DLEU7: variants seen among roughly 807,000 people sequenced by gnomAD.
The protein encoded by DLEU7 is leukemia-associated protein 7.
DLEU7 carries 17 observed loss-of-function variants against 16.0 expected under a neutral mutation model. The ratio of observed to expected loss-of-function variants is 1.06; its 90% CI spans 0.73 to 1.59. The LOEUF is 1.59. Ranked by LOEUF, DLEU7 falls within the 40% of genes most tolerant of loss-of-function variation. DLEU7 has a pLI of 0.00. For synonymous variants in DLEU7, 113 were observed against 139.8 expected (o/e 0.81, Z 1.35); for missense variants, 308 against 314.9 (o/e 0.98, Z 0.17).
At chr13:50,830,193 A>C (rs1296220434) in intron 1 of DLEU7, among the ~76,000 whole-genome samples, 1 of 152,264 alleles carries the variant, frequency 6.6e-6, no homozygotes, top group Non-Finnish European at 1.5e-5. Flanking sequence ...TGTATTGATT[A>C]CTACAGCAGT....
intron 1 of DLEU7, among the ~76,000 whole-genome samples, chr13:50,834,355 C>T (rs188501014): frequency 6.6e-6 from 1 of 151,818 alleles, no homozygotes; most frequent in Admixed American, 6.6e-5. Flanking sequence ...AAAAAAACAA[C>T]CCCATCAAAA....
chr13:50,740,841 T>C (rs867856531), intron 1 of DLEU7, among the ~76,000 whole-genome samples: 4 of 152,172 alleles, frequency 2.6e-5, no homozygotes, highest in Admixed American at 2.6e-4. Context: ...CTTTTTGGAC[T>C]GTTCCTGCTT....
chr13:50,770,362 G>C, intron 1 of DLEU7, among the ~76,000 whole-genome samples: 1 of 152,150 alleles, frequency 6.6e-6, no homozygotes, highest in Non-Finnish European at 1.5e-5. Flanking sequence ...TTTTCAAAGG[G>C]AATGCTTCCA....
intron 1 of DLEU7, among the ~76,000 whole-genome samples, chr13:50,737,956 C>G (rs1874126145): frequency 6.6e-6 from 1 of 152,146 alleles, no homozygotes; most frequent in Admixed American, 6.6e-5. Flanking sequence ...GAAAAAAATT[C>G]CTGAAGCAAT....
At chr13:50,757,545 T>C (rs529639806) in intron 1 of DLEU7, among the ~76,000 whole-genome samples, 64 of 152,292 alleles carry the variant, frequency 4.2e-4, no homozygotes, top group African/African-American at 1.5e-3. Flanking sequence ...AAACTTGACT[T>C]TGTAAACTCG....
At chr13:50,786,047 G>A (rs1875785989) in intron 1 of DLEU7, among the ~76,000 whole-genome samples, 1 of 152,170 alleles carries the variant, frequency 6.6e-6, no homozygotes, top group African/African-American at 2.4e-5. Flanking sequence ...TCGTTTTGAA[G>A]CAGATCATGG....
chr13:50,752,668 G>T (rs567205446), intron 1 of DLEU7, among the ~76,000 whole-genome samples: 32 of 151,246 alleles, frequency 2.1e-4, no homozygotes, highest in Non-Finnish European at 4.4e-4. Context: ...AAGGCGGCGC[G>T]TCTGGAGTTG....
At chr13:50,835,231 C>T (rs925467963) in intron 1 of DLEU7, among the ~76,000 whole-genome samples, 2 of 152,126 alleles carry the variant, frequency 1.3e-5, no homozygotes, top group African/African-American at 2.4e-5. Flanking sequence ...CAGACTCGGC[C>T]CAGATCCCAA....
In DLEU7 at chr13:50,825,877, T is replaced by A. The variant is rs560968367; in HGVS notation, c.460-2357A>T. Among the ~76,000 whole-genome samples the A allele has an allele frequency of 1.9e-4, 29 of 152,330 alleles. No individual in the cohort carries two copies. The South Asian group carries it at 5.8e-3, about 30-fold the overall frequency. On this transcript the variant is annotated intron_variant, in intron 1 of 1. Coordinates refer to ENST00000504404, the MANE Select transcript of DLEU7 (RefSeq NM_001306135.2). ...GAACTAAGATTATTATTTTTTATTATACTTTAAGTTCTAGGGTACATGTGC... is the reference window on the plus strand; with the variant it reads ...GAACTAAGATTATTATTTTTTATTAAACTTTAAGTTCTAGGGTACATGTGC...
intron 1 of DLEU7, among the ~76,000 whole-genome samples, chr13:50,832,581 G>A (rs954023047): frequency 3.3e-5 from 5 of 151,994 alleles, no homozygotes; most frequent in African/African-American, 4.8e-5. Flanking sequence ...TTAGGGTGTC[G>A]ATATTAGATC....
intron 1 of DLEU7, among the ~76,000 whole-genome samples, chr13:50,755,786 CT>C (rs1874740223): frequency 6.6e-6 from 1 of 151,638 alleles, no homozygotes; most frequent in Non-Finnish European, 1.5e-5. Context: ...GAACTTTGTA[CT>C]TTGTTTTGCC....
chr13:50,779,535 A>G (rs1305829650), intron 1 of DLEU7, among the ~76,000 whole-genome samples: 1 of 152,140 alleles, frequency 6.6e-6, no homozygotes, highest in South Asian at 2.1e-4. Flanking sequence ...ATCACATACG[A>G]CTGAGCAACC....
intron 1 of DLEU7, among the ~76,000 whole-genome samples, chr13:50,715,103 C>A (rs887300692): frequency 9.2e-5 from 14 of 152,180 alleles, no homozygotes; most frequent in Non-Finnish European, 2.1e-4. Context: ...CTGCCACTGG[C>A]TCCTTGCAGC....
chr13:50,741,311 T>C (rs1316721936), intron 1 of DLEU7, among the ~76,000 whole-genome samples: 1 of 152,204 alleles, frequency 6.6e-6, no homozygotes, highest in Non-Finnish European at 1.5e-5. Context: ...TATACATCTA[T>C]TAAAATACCT....
intron 1 of DLEU7, among the ~76,000 whole-genome samples, chr13:50,802,402 C>T (rs892277719): frequency 3.0e-4 from 46 of 152,132 alleles, no homozygotes; most frequent in African/African-American, 1.0e-3. Flanking sequence ...AATTAGTGCT[C>T]CTGACTCTCA....
chr13:50,764,051 A>G lies in DLEU7; in HGVS notation c.460-50811T>C, dbSNP rs200342036. 1.2e-4 allele frequency among the ~76,000 whole-genome samples: 18 copies of G among 152,256 alleles called. No homozygotes were observed. In the East Asian group the frequency reaches 3.5e-3, roughly 29 times the overall value. On this transcript the variant is annotated intron_variant, in intron 1 of 1. Coordinates refer to the DLEU7 transcript ENST00000400393. ...GCACTGCATTTAAGGCACTGCAGGT[A>G]GAGTGTACTAGAACGCACATGGGCT...
At chr13:50,774,514 G>T (rs1227111797) in intron 1 of DLEU7, among the ~76,000 whole-genome samples, 1 of 151,990 alleles carries the variant, frequency 6.6e-6, no homozygotes, top group Non-Finnish European at 1.5e-5. Flanking sequence ...GTCTTCTTTC[G>T]ATGCTTTTAA....
intron 1 of DLEU7, among the ~76,000 whole-genome samples, chr13:50,811,816 C>G (rs1015324124): frequency 2.2e-4 from 34 of 152,262 alleles, no homozygotes; most frequent in African/African-American, 7.5e-4. Context: ...TGCCTGTAAT[C>G]ACATCACTTC....
At chr13:50,731,565 A>G (rs949744347) in intron 1 of DLEU7, among the ~76,000 whole-genome samples, 17 of 152,222 alleles carry the variant, frequency 1.1e-4, no homozygotes, top group African/African-American at 3.9e-4. Flanking sequence ...TGAAGTTGCC[A>G]TGGCTACTGC....
Sources: allele counts gnomAD v4.1 joint callset (sites outside exome capture counted in the v4.1 genomes callset), GRCh38; gene constraint gnomAD v4.1.1; transcripts MANE v1.5; gene names NCBI Gene and HGNC (gene_info 2026-07-23, HGNC 2026-07-21).